The following KLF17 variants were observed in gnomAD, a reference collection of about 807,000 sequenced individuals.
KLF17 encodes the protein KLF transcription factor 17.
In KLF17, 31 loss-of-function variants were observed where a neutral mutation model predicts 34.2. The observed-to-expected ratio is 0.91, with a 90% CI of 0.68 to 1.22. The LOEUF (loss-of-function observed/expected upper bound fraction) is 1.22. Among genes scored for constraint, KLF17 ranks in the 50% most tolerant of loss-of-function variants. The pLI is 0.00. For synonymous variants in KLF17, 179 were observed against 186.7 expected (o/e 0.96, Z 0.34); for missense variants, 478 against 505.2 (o/e 0.95, Z 0.52).
the KLF17 span, among the ~76,000 whole-genome samples, chr1:44,083,236 C>A: frequency 6.6e-6 from 1 of 151,910 alleles, no homozygotes; most frequent in Non-Finnish European, 1.5e-5. Flanking sequence ...GCATGAGGCA[C>A]CACACCCAGC....
At chr1:44,128,608 A>G (rs1465753351) in intron 1 of KLF17, among the ~76,000 whole-genome samples, 1 of 152,100 alleles carries the variant, frequency 6.6e-6, no homozygotes, top group Non-Finnish European at 1.5e-5. Flanking sequence ...ATGATGTCTA[A>G]GTTTTGCCAA....
At chr1:44,107,517 T>C in the KLF17 span, among the ~76,000 whole-genome samples, 1 of 152,146 alleles carries the variant, frequency 6.6e-6, no homozygotes, top group Non-Finnish European at 1.5e-5. Flanking sequence ...AAACAAACAA[T>C]TCATAAATTT....
rs1571997361 is a variant in KLF17 at position 44,134,526 on chromosome 1, C to G, written c.*1289C>G. On this transcript the variant is annotated 3_prime_UTR_variant, in exon 4 of 4. Coordinates refer to ENST00000372299, the MANE Select transcript of KLF17 (RefSeq NM_173484.4). Reference sequence around the variant, plus strand: ...TGGGCGACTGAGCGAGACTCTATCTCAAAACAATCAAAACAAAAAAGACCT... The same window carrying G: ...TGGGCGACTGAGCGAGACTCTATCTGAAAACAATCAAAACAAAAAAGACCT... The G allele has an allele frequency of 6.6e-6, 1 of 152,074 alleles. No homozygotes were observed. The highest frequency in any genetic ancestry group is 6.6e-5 in the Admixed American group (1 of 15,258). The allele number at this position is 152,074 out of a possible 1,614,324, so 9.4% of individuals were successfully genotyped here. A position where few individuals can be genotyped will look rare whatever the true frequency, so the allele number is the denominator to read the frequency against.
the KLF17 span, among the ~76,000 whole-genome samples, chr1:44,087,755 TATATATATATATATAC>T: frequency 8.0e-3 from 546 of 67,982 alleles, 2 homozygotes; most frequent in Non-Finnish European, 0.011. Flanking sequence ...TATATATATA[TATATATATATATATAC>T]ACACACACAC....
chr1:44,130,718 A>G lies in KLF17; in HGVS notation c.1132A>G (p.Asn378Asp). 3.8e-6 allele frequency: 6 copies of G among 1,571,352 alleles called. No individual in the cohort carries two copies. Among genetic ancestry groups the G allele is most frequent in the Non-Finnish European group, 5.2e-6 (6 of 1,148,794 alleles). ...CTCAGACCCACAGGCCAACAACAAC[A>G]ATGGAGAGCAGGACAGTCCTCCTGC... ...GPSDPQANNN[N>D]GEQDSPPAAG... The change falls in exon 3 of 4, where the codon AAT (asparagine) becomes GAT (aspartate). Residue 378 changes from asparagine (N) to aspartate (D), a missense_variant. Coordinates refer to ENST00000372299, the MANE Select transcript of KLF17 (RefSeq NM_173484.4).
At chr1:44,089,444 G>A in the KLF17 span, among the ~76,000 whole-genome samples, 1 of 152,086 alleles carries the variant, frequency 6.6e-6, no homozygotes, top group African/African-American at 2.4e-5. Flanking sequence ...AAAATAGCTG[G>A]GCCTTTCTAC....
Position 44,130,591 on chromosome 1 carries a change from G to T in KLF17, c.1005G>T (p.Arg335=). 6.2e-7 allele frequency: 1 copy of T among 1,614,116 alleles called. No homozygotes were observed. The highest frequency in any genetic ancestry group is 8.5e-7 in the Non-Finnish European group (1 of 1,180,042). ...FRSDELRRHM[R]VHTRYRPYKC... ...CTGATGAGCTTAGACGACATATGCG[G>T]GTACACACCAGATATCGACCATATA... Residue 335 remains arginine (R), a synonymous_variant, in exon 3 of 4, where the codon CGG becomes CGT. Coordinates refer to ENST00000372299, the MANE Select transcript of KLF17 (RefSeq NM_173484.4).
chr1:44,085,989 A>T, the KLF17 span, among the ~76,000 whole-genome samples: 3 of 152,102 alleles, frequency 2.0e-5, no homozygotes, highest in Non-Finnish European at 4.4e-5. Context: ...AAGGTGTCCA[A>T]GGAGGAGAGA....
chr1:44,060,615 C>G, the KLF17 span, among the ~76,000 whole-genome samples: 3 of 152,110 alleles, frequency 2.0e-5, no homozygotes, highest in South Asian at 4.1e-4. Flanking sequence ...ATTTGGGCAG[C>G]AATAGGACTA....
chr1:44,129,033 CTG>C (rs2088066162), intron 1 of KLF17, among the ~76,000 whole-genome samples: 2 of 148,908 alleles, frequency 1.3e-5, no homozygotes, highest in Admixed American at 1.3e-4. Context: ...AAAAAAAAAA[CTG>C]GAGTTTGAAC....
chr1:44,108,671 T>TC, the KLF17 span, among the ~76,000 whole-genome samples: 1 of 143,722 alleles, frequency 7.0e-6, no homozygotes, highest in African/African-American at 2.6e-5. Context: ...TTTTTTTTTT[T>TC]TTTTTTTTTT....
At chr1:44,093,597 G>T in the KLF17 span, among the ~76,000 whole-genome samples, 11 of 152,148 alleles carry the variant, frequency 7.2e-5, no homozygotes, top group Non-Finnish European at 1.2e-4. Context: ...ATTTCACCAT[G>T]TTGGCCAGGC....
chr1:44,122,290 G>A lies in KLF17; in HGVS notation c.81+3302G>A, dbSNP rs897390816. On this transcript the variant is annotated intron_variant, in intron 1 of 3. Transcript: ENST00000372299. Reference sequence around the variant, plus strand: ...ACATCCACAAGTAGTGTATCCAGAGGTAAACTGTCTAGTAGAATAAAATAC... The same window carrying A: ...ACATCCACAAGTAGTGTATCCAGAGATAAACTGTCTAGTAGAATAAAATAC... The A allele has an allele frequency of 1.6e-5, 25 of 1,601,994 alleles. No homozygotes were observed. The African/African-American group carries it at 3.2e-4, about 21-fold the overall frequency.
chr1:44,091,603 A>T, the KLF17 span, among the ~76,000 whole-genome samples: 1 of 145,306 alleles, frequency 6.9e-6, no homozygotes, highest in Non-Finnish European at 1.5e-5. Context: ...TTGCAGTGAG[A>T]CGAGATCGTG....
At chr1:44,129,252 A>T in intron 1 of KLF17, 101 bp from the exon 2 acceptor site, 1 of 1,351,736 alleles carries the variant, frequency 7.4e-7, no homozygotes, top group Non-Finnish European at 9.9e-7. Flanking sequence ...CAAGCAAGAG[A>T]TGGAAATAGA....
At position 44,130,765 on chromosome 1, in the gene KLF17, CCT is replaced by C. The variant is rs1380887112; in HGVS notation, c.*13_*14del. 1.8e-5 allele frequency: 29 copies of C among 1,612,898 alleles called. No individual in the cohort carries two copies. Among genetic ancestry groups the C allele is most frequent in the Non-Finnish European group, 2.2e-5 (26 of 1,179,154 alleles). On this transcript the variant is annotated intron_variant, in intron 3 of 3. Coordinates refer to ENST00000372299, the MANE Select transcript of KLF17 (RefSeq NM_173484.4). Reference sequence around the variant, plus strand: ...CTGCTGCTGGTCCTTAGGTCAGTCTCCTCTCCTCATTCTGGGTTTTCTTTTTC... The same window carrying C: ...CTGCTGCTGGTCCTTAGGTCAGTCTCCTCCTCATTCTGGGTTTTCTTTTTC...
chr1:44,081,588 G>A, the KLF17 span, among the ~76,000 whole-genome samples: 4 of 151,750 alleles, frequency 2.6e-5, no homozygotes, highest in Non-Finnish European at 5.9e-5. Flanking sequence ...TCTAATTTTT[G>A]TATTTTTTTT....
At chr1:44,080,080 C>A in the KLF17 span, among the ~76,000 whole-genome samples, 1 of 152,020 alleles carries the variant, frequency 6.6e-6, no homozygotes, top group African/African-American at 2.4e-5. Flanking sequence ...AGGTGCGTGC[C>A]ACCATGCGTG....
the KLF17 span, among the ~76,000 whole-genome samples, chr1:44,101,987 G>T: frequency 6.6e-6 from 1 of 151,910 alleles, no homozygotes; most frequent in Admixed American, 6.6e-5. Flanking sequence ...CCATGAGGTC[G>T]GGGCTGCAGT....
Sources: allele counts gnomAD v4.1 joint callset (sites outside exome capture counted in the v4.1 genomes callset), GRCh38; gene constraint gnomAD v4.1.1; transcripts MANE v1.5; gene names NCBI Gene and HGNC (gene_info 2026-07-23, HGNC 2026-07-21).